Variants in UBASH3B observed in about 807,000 individuals in gnomAD.
The protein encoded by UBASH3B is ubiquitin associated and SH3 domain containing B.
Under a neutral mutation model 83.4 loss-of-function variants are expected in UBASH3B, and 37 were observed. The observed-to-expected ratio is 0.44, with a 90% confidence interval of 0.34 to 0.58. The LOEUF is 0.58. Among genes scored for constraint, UBASH3B ranks in the 20% least tolerant of loss-of-function variants. The pLI is 0.01. For missense variants in UBASH3B, 657 were observed against 827.2 expected (o/e 0.79, Z 2.52); for synonymous variants, 304 against 318.3 (o/e 0.96, Z 0.48).
intron 1 of UBASH3B, among the ~76,000 whole-genome samples, chr11:122,701,401 TTATTA>T (rs545498425): frequency 1.7e-4 from 25 of 151,072 alleles, no homozygotes; most frequent in Non-Finnish European, 2.8e-4. Flanking sequence ...AAATGAACTC[TTATTA>T]ATGAGAACGA....
In UBASH3B at chr11:122,704,229, A is replaced by T. The variant is rs1344168; in HGVS notation, c.161+48019A>T. ...AGTCTAACTTGGTGTCATATGGAGC[A>T]TCTGAATCACAGTCTCTTGAGTCTT... On this transcript the variant is annotated intron_variant, in intron 1 of 13. Coordinates refer to ENST00000284273, the MANE Select transcript of UBASH3B (RefSeq NM_032873.5). Among the ~76,000 whole-genome samples the T allele has an allele frequency of 4.6e-5, 7 of 152,228 alleles. No homozygotes were observed. The South Asian group carries it at 1.4e-3, about 32-fold the overall frequency.
intron 1 of UBASH3B, among the ~76,000 whole-genome samples, chr11:122,767,532 C>T (rs958962768): frequency 5.3e-5 from 8 of 152,060 alleles, no homozygotes; most frequent in African/African-American, 1.4e-4. Flanking sequence ...AGGATGGTCT[C>T]GATCTCTTGA....
chr11:122,745,149 C>T (rs1358686004), intron 1 of UBASH3B, among the ~76,000 whole-genome samples: 1 of 152,196 alleles, frequency 6.6e-6, no homozygotes, highest in Non-Finnish European at 1.5e-5. Flanking sequence ...ACTCACCTCT[C>T]AGCTTGTATC....
At chr11:122,797,912 G>A (rs759883510) in intron 9 of UBASH3B, among the ~76,000 whole-genome samples, 1 of 152,186 alleles carries the variant, frequency 6.6e-6, no homozygotes, top group Non-Finnish European at 1.5e-5. Context: ...GATGAGGCTA[G>A]CAAGATGGAT....
chr11:122,779,758 G>C (rs1860817770), intron 4 of UBASH3B, 63 bp downstream of exon 4: 3 of 1,594,554 alleles, frequency 1.9e-6, no homozygotes, highest in Non-Finnish European at 2.6e-6. Flanking sequence ...AAAGGAAAAA[G>C]GATAGGAAAT....
intron 1 of UBASH3B, among the ~76,000 whole-genome samples, chr11:122,722,656 GTC>G (rs1335673720): frequency 2.0e-5 from 3 of 151,992 alleles, no homozygotes; most frequent in Non-Finnish European, 4.4e-5. Context: ...TCACATGAAA[GTC>G]TGACAGCTCT....
chr11:122,682,094 C>T (rs1463564842), intron 1 of UBASH3B, among the ~76,000 whole-genome samples: 2 of 152,196 alleles, frequency 1.3e-5, no homozygotes, highest in African/African-American at 4.8e-5. Flanking sequence ...CTTGGAAGCT[C>T]GGAGGGATCA....
At chr11:122,790,701 CT>C (rs1861038248) in intron 6 of UBASH3B, among the ~76,000 whole-genome samples, 1 of 152,002 alleles carries the variant, frequency 6.6e-6, no homozygotes, top group African/African-American at 2.4e-5. Context: ...AATCCCAGCA[CT>C]TTGGGAGGCC....
chr11:122,794,643 A>G, intron 6 of UBASH3B, 59 bp from the exon 7 acceptor site: 4 of 1,609,120 alleles, frequency 2.5e-6, no homozygotes, highest in Non-Finnish European at 3.4e-6. Flanking sequence ...TGAGCCCAGG[A>G]GGAAGTGCTG....
intron 1 of UBASH3B, among the ~76,000 whole-genome samples, chr11:122,739,949 C>T (rs111642418): frequency 6.6e-6 from 1 of 152,202 alleles, no homozygotes; most frequent in Non-Finnish European, 1.5e-5. Context: ...GATTTCCTTA[C>T]ATTCATGTCC....
chr11:122,803,341 TGTG>T (rs1861287702), intron 11 of UBASH3B, among the ~76,000 whole-genome samples: 1 of 152,088 alleles, frequency 6.6e-6, no homozygotes, highest in South Asian at 2.1e-4. Context: ...ATTGAAGACA[TGTG>T]GTGACAGGCA....
At chr11:122,794,872 C>A in intron 7 of UBASH3B, 38 bp downstream of exon 7, 1 of 1,610,184 alleles carries the variant, frequency 6.2e-7, no homozygotes, top group African/African-American at 1.3e-5. Context: ...CCAACTCTAA[C>A]CAGGATTCAC....
At chr11:122,782,996 T>C (rs2135151286) in intron 4 of UBASH3B, 57 bp from the exon 5 acceptor site, 1 of 1,562,006 alleles carries the variant, frequency 6.4e-7, no homozygotes. Context: ...CCTTAAGTCT[T>C]CACCATTGCT....
chr11:122,690,290 AT>A lies in UBASH3B; in HGVS notation c.161+34081del, dbSNP rs1863878185. Among the ~76,000 whole-genome samples the A allele has an allele frequency of 1.0e-4, 12 of 119,752 alleles. No homozygotes were observed. In the South Asian group the frequency reaches 2.5e-3, roughly 25 times the overall value. The allele number at this position is 119,752 out of a possible 152,430, so 78.6% of individuals were successfully genotyped here. ...TATATATCTCCAATTATACATATAT[AT>A]ATCTCCAATTATACATATATATATA... On this transcript the variant is annotated intron_variant, in intron 1 of 13. Coordinates refer to ENST00000284273, the MANE Select transcript of UBASH3B (RefSeq NM_032873.5).
chr11:122,704,353 G>A (rs988416771), intron 1 of UBASH3B, among the ~76,000 whole-genome samples: 1 of 152,160 alleles, frequency 6.6e-6, no homozygotes, highest in African/African-American at 2.4e-5. Flanking sequence ...AAGGCTACGC[G>A]GGTCAGCCGT....
intron 1 of UBASH3B, among the ~76,000 whole-genome samples, chr11:122,674,472 C>T (rs369345543): frequency 1.5e-4 from 23 of 150,792 alleles, no homozygotes; most frequent in East Asian, 5.9e-4. Context: ...GCTCCGCCTC[C>T]CCGGTTCACG....
In UBASH3B at chr11:122,674,990, A is replaced by G. The variant is rs374181462; in HGVS notation, c.161+18780A>G. On this transcript the variant is annotated intron_variant, in intron 1 of 13. Coordinates refer to ENST00000284273, the MANE Select transcript of UBASH3B (RefSeq NM_032873.5). ...GTGATCCACCCACCTTCGTCTCCCA[A>G]AGTACTGGGATTACAGGCATAAGCC... is the stretch of plus-strand genomic sequence containing the variant. Among the ~76,000 whole-genome samples the G allele has an allele frequency of 3.9e-5, 6 of 152,202 alleles. No individual in the cohort carries two copies. In the South Asian group the frequency reaches 1.2e-3, roughly 32 times the overall value.
rs1861411881 is a variant in UBASH3B at position 122,809,979 on chromosome 11, G to A, written c.*93G>A. ...GAAAATCCACACCACACTCTAAGTG[G>A]ACAGCTCAGAATAATTTAGCATATT... On this transcript the variant is annotated 3_prime_UTR_variant, in exon 14 of 14. Coordinates refer to ENST00000284273, the MANE Select transcript of UBASH3B (RefSeq NM_032873.5). 1 of 1,439,760 alleles carries A rather than the reference G, an allele frequency of 6.9e-7. No homozygotes were observed. Among genetic ancestry groups the A allele is most frequent in the African/African-American group, 1.4e-5 (1 of 70,310 alleles). 89.2% of individuals were successfully genotyped at this position (1,439,760 alleles called of 1,614,324 possible).
At chr11:122,722,719 T>C (rs1306845300) in intron 1 of UBASH3B, among the ~76,000 whole-genome samples, 1 of 151,912 alleles carries the variant, frequency 6.6e-6, no homozygotes, top group Admixed American at 6.6e-5. Flanking sequence ...TCTTTTTTTT[T>C]TTTTGAGATG....
Sources: gnomAD v4.1 joint callset for allele counts (sites outside exome capture counted in the v4.1 genomes callset) on GRCh38, gnomAD v4.1.1 for gene constraint, MANE v1.5 for transcripts, NCBI Gene and HGNC (gene_info 2026-07-23, HGNC 2026-07-21) for gene names.